UBAC2: variants seen among roughly 807,000 people sequenced by gnomAD.
UBAC2 encodes the protein UBA domain containing 2, also known as ubiquitin-associated domain-containing protein 2.
UBAC2 carries 26 observed loss-of-function variants against 44.0 expected under a neutral mutation model. The observed-to-expected ratio is 0.59, with a 90% CI of 0.43 to 0.82. The LOEUF (loss-of-function observed/expected upper bound fraction) is 0.82, where lower values mean the gene tolerates loss of function less well. UBAC2 is among the 40% of genes least tolerant of loss of function. The pLI, the probability that UBAC2 is intolerant of heterozygous loss-of-function variation, is 0.00. For synonymous variants in UBAC2, 155 were observed against 154.3 expected (o/e 1.00, Z -0.04); for missense variants, 329 against 419.4 (o/e 0.78, Z 1.88).
At chr13:99,367,187 T>C (rs2045342165) in intron 7 of UBAC2, among the ~76,000 whole-genome samples, 1 of 152,220 alleles carries the variant, frequency 6.6e-6, no homozygotes, top group African/African-American at 2.4e-5. Context: ...TTACTGATGC[T>C]CACTTCTCAC....
At chr13:99,327,993 C>T (rs1284384333) in intron 6 of UBAC2, among the ~76,000 whole-genome samples, 2 of 152,092 alleles carry the variant, frequency 1.3e-5, no homozygotes, top group Non-Finnish European at 2.9e-5. Context: ...TGGCTTCATG[C>T]CCCATGCTCT....
At chr13:99,332,512 T>G (rs2044730496) in intron 6 of UBAC2, among the ~76,000 whole-genome samples, 1 of 152,132 alleles carries the variant, frequency 6.6e-6, no homozygotes, top group Non-Finnish European at 1.5e-5. Context: ...TGTTGGCATA[T>G]GGGGGGCTGC....
intron 4 of UBAC2, among the ~76,000 whole-genome samples, chr13:99,254,328 C>T (rs887503721): frequency 2.2e-4 from 33 of 152,242 alleles, no homozygotes; most frequent in African/African-American, 7.2e-4. Flanking sequence ...AATGACTATT[C>T]TCTGTTTTTA....
intron 1 of UBAC2, among the ~76,000 whole-genome samples, chr13:99,232,782 G>GA (rs1403140375): frequency 1.4e-4 from 21 of 150,048 alleles, no homozygotes; most frequent in Middle Eastern, 3.2e-3. Context: ...CAAAAACAAC[G>GA]AAAAAAAAAC....
chr13:99,273,284 G>GT (rs1024255795), intron 4 of UBAC2, among the ~76,000 whole-genome samples: 4 of 152,060 alleles, frequency 2.6e-5, no homozygotes, highest in African/African-American at 9.7e-5. Context: ...CTTAGCTCAT[G>GT]TTTCCCTGAA....
intron 7 of UBAC2, among the ~76,000 whole-genome samples, chr13:99,355,655 G>A (rs559386921): frequency 2.4e-4 from 37 of 152,328 alleles, no homozygotes; most frequent in African/African-American, 7.9e-4. Flanking sequence ...TGGTCCTGAC[G>A]GTCCCTGGAG....
At chr13:99,383,689 G>A (rs944272577) in intron 8 of UBAC2, among the ~76,000 whole-genome samples, 1 of 152,262 alleles carries the variant, frequency 6.6e-6, no homozygotes, top group African/African-American at 2.4e-5. Context: ...CGCTCACTGC[G>A]TGCATTTGTA....
intron 4 of UBAC2, among the ~76,000 whole-genome samples, chr13:99,268,366 A>G (rs1376688873): frequency 1.3e-5 from 2 of 152,116 alleles, no homozygotes; most frequent in Non-Finnish European, 2.9e-5. Context: ...TAATCTCGGC[A>G]TTTTGGGAGG....
At chr13:99,242,601 C>T (rs1169551097) in intron 2 of UBAC2, among the ~76,000 whole-genome samples, 5 of 100,836 alleles carry the variant, frequency 5.0e-5, no homozygotes, top group Admixed American at 1.1e-4. Flanking sequence ...CGCCCCTCAC[C>T]TCCCAGACGG....
intron 4 of UBAC2, among the ~76,000 whole-genome samples, chr13:99,249,065 G>A (rs754292251): frequency 1.8e-4 from 28 of 152,118 alleles, no homozygotes; most frequent in Non-Finnish European, 5.9e-5. Flanking sequence ...ACATGTGAAG[G>A]TTTGTTTTAT....
Position 99,202,009 on chromosome 13 carries a change from C to G in UBAC2, c.31+1070C>G, listed in dbSNP as rs189845639. 2.7e-5 allele frequency among the ~76,000 whole-genome samples: 4 copies of G among 145,816 alleles called. No individual in the cohort carries two copies. The East Asian group carries it at 8.1e-4, about 30-fold the overall frequency. ...AATGGCGTGAACCCGGGAGGCGGAG[C>G]TTGCAGCGAGCCGAGATTGCGCCAC... On this transcript the variant is annotated intron_variant, in intron 1 of 8. Coordinates refer to ENST00000403766, the MANE Select transcript of UBAC2 (RefSeq NM_001144072.2).
intron 4 of UBAC2, among the ~76,000 whole-genome samples, chr13:99,280,835 CT>C: frequency 6.8e-6 from 1 of 147,828 alleles, no homozygotes; most frequent in South Asian, 2.1e-4. Flanking sequence ...CTTTCCCTCT[CT>C]CTCTCTCTCT....
At chr13:99,378,136 A>G (rs1431931473) in intron 8 of UBAC2, among the ~76,000 whole-genome samples, 1 of 152,178 alleles carries the variant, frequency 6.6e-6, no homozygotes, top group African/African-American at 2.4e-5. Flanking sequence ...CATCTCCATC[A>G]TCACTGTTGT....
intron 4 of UBAC2, among the ~76,000 whole-genome samples, chr13:99,277,831 C>T (rs2043904344): frequency 6.6e-6 from 1 of 152,168 alleles, no homozygotes; most frequent in African/African-American, 2.4e-5. Flanking sequence ...CAAGCCTCAT[C>T]AAGCCTCTAA....
chr13:99,368,106 G>A (rs2045355691), intron 8 of UBAC2, among the ~76,000 whole-genome samples, 200 bp downstream of exon 8: 1 of 152,124 alleles, frequency 6.6e-6, no homozygotes, highest in Non-Finnish European at 1.5e-5. Context: ...ATTATTGGTT[G>A]GGGGGCGGCG....
intron 6 of UBAC2, 152 bp downstream of exon 6, chr13:99,318,221 G>A (rs2044519415): frequency 5.1e-6 from 4 of 789,290 alleles, no homozygotes; most frequent in Non-Finnish European, 6.4e-6. Context: ...AGGCTGGAGT[G>A]CAATGGCTCG....
intron 1 of UBAC2, among the ~76,000 whole-genome samples, chr13:99,203,253 C>T (rs539170970): frequency 6.6e-6 from 1 of 152,208 alleles, no homozygotes; most frequent in East Asian, 1.9e-4. Flanking sequence ...CCAGGCTGGT[C>T]TTGAGCTCCT....
chr13:99,223,156 A>C (rs890293393), intron 1 of UBAC2, among the ~76,000 whole-genome samples: 2 of 152,198 alleles, frequency 1.3e-5, no homozygotes, highest in African/African-American at 4.8e-5. Flanking sequence ...CTTTCAAAAA[A>C]AAATTTAGTT....
At chr13:99,245,867 G>A (rs2043377377) in intron 4 of UBAC2, among the ~76,000 whole-genome samples, 1 of 152,070 alleles carries the variant, frequency 6.6e-6, no homozygotes, top group Admixed American at 6.6e-5. Context: ...AAAAAACCAT[G>A]TATTAGTGTG....
Sources: gnomAD v4.1 joint callset for allele counts (sites outside exome capture counted in the v4.1 genomes callset) on GRCh38, gnomAD v4.1.1 for gene constraint, MANE v1.5 for transcripts, NCBI Gene and HGNC (gene_info 2026-07-23, HGNC 2026-07-21) for gene names.